Variants in KALRN observed in about 807,000 individuals in gnomAD.
KALRN encodes kalirin.
KALRN carries 70 observed loss-of-function variants against 353.7 expected under a neutral mutation model. The ratio of observed to expected loss-of-function variants is 0.20; its 90% CI spans 0.16 to 0.24. The LOEUF (loss-of-function observed/expected upper bound fraction) is 0.24. Ranked by LOEUF, KALRN falls within the 10% of genes least tolerant of loss-of-function variation. The probability of loss-of-function intolerance (pLI) is 1.00; values close to 1 mark genes in which losing one functional copy is unlikely to be tolerated. For missense variants in KALRN, 2,791 were observed against 3,756.7 expected, an observed-to-expected ratio of 0.74 and a Z score of 6.72; for synonymous variants, 1,391 against 1,434.8, an observed-to-expected ratio of 0.97 and a Z score of 0.69.
At chr3:124,376,086 T>G (rs1374730990) in intron 10 of KALRN, among the ~76,000 whole-genome samples, 1 of 152,176 alleles carries the variant, frequency 6.6e-6, no homozygotes, top group South Asian at 2.1e-4. Flanking sequence ...AGTAGAGATG[T>G]GTGAGAATGG....
intron 37 of KALRN, among the ~76,000 whole-genome samples, chr3:124,640,727 G>T (rs1425416199): frequency 6.6e-6 from 1 of 152,196 alleles, no homozygotes; most frequent in Non-Finnish European, 1.5e-5. Context: ...ATGGGGAGAA[G>T]TTAGGAGAAG....
chr3:124,308,874 G>T (rs183274937), intron 6 of KALRN, among the ~76,000 whole-genome samples: 1 of 151,814 alleles, frequency 6.6e-6, no homozygotes, highest in Non-Finnish European at 1.5e-5. Context: ...GAAACCAAAA[G>T]CTGGTTTATT....
At chr3:124,494,461 G>A (rs1400888164) in intron 32 of KALRN, among the ~76,000 whole-genome samples, 1 of 152,230 alleles carries the variant, frequency 6.6e-6, no homozygotes, top group African/African-American at 2.4e-5. Context: ...TCTACACATG[G>A]TGGGGAGCGC....
chr3:124,250,670 A>T (rs4677921), intron 3 of KALRN, among the ~76,000 whole-genome samples: 10,594 of 152,104 alleles, frequency 0.07, 401 homozygotes, highest in Middle Eastern at 0.095. Flanking sequence ...GACTAAGGGG[A>T]GTGGGGAGCG....
chr3:124,395,695 A>G (rs1242461603), intron 12 of KALRN: 1 of 259,578 alleles, frequency 3.9e-6, no homozygotes, highest in African/African-American at 2.3e-5. Context: ...ATTATGGAAC[A>G]TAGTGTTATT....
At chr3:124,414,345 C>A (rs2092376482) in intron 14 of KALRN, among the ~76,000 whole-genome samples, 1 of 152,156 alleles carries the variant, frequency 6.6e-6, no homozygotes, top group Admixed American at 6.5e-5. Context: ...GCTCCCGATC[C>A]CTGCTGCCAG....
At chr3:124,424,014 C>T (rs1413889405) in intron 15 of KALRN, among the ~76,000 whole-genome samples, 1 of 152,136 alleles carries the variant, frequency 6.6e-6, no homozygotes, top group Non-Finnish European at 1.5e-5. Context: ...GGGCCTGTTA[C>T]ACACATCTTC....
chr3:124,366,664 T>C (rs536138436), intron 10 of KALRN, among the ~76,000 whole-genome samples: 1 of 152,044 alleles, frequency 6.6e-6, no homozygotes, highest in East Asian at 1.9e-4. Flanking sequence ...TTTCCCCCCT[T>C]TCTATTCCAC....
At chr3:124,228,154 G>C (rs1202061457) in intron 2 of KALRN, 90 bp downstream of exon 2, 2 of 1,049,820 alleles carry the variant, frequency 1.9e-6, no homozygotes, top group African/African-American at 3.1e-5. Context: ...GTTAGTAGGG[G>C]AGAAGTAGGG....
intron 5 of KALRN, among the ~76,000 whole-genome samples, chr3:124,293,159 G>A (rs969402867): frequency 5.9e-5 from 9 of 152,236 alleles, no homozygotes; most frequent in Admixed American, 2.0e-4. Context: ...ACAGGGTATA[G>A]TGAACATGAT....
intron 1 of KALRN, among the ~76,000 whole-genome samples, chr3:124,222,203 T>C (rs1210329285): frequency 6.6e-6 from 1 of 152,202 alleles, no homozygotes; most frequent in Non-Finnish European, 1.5e-5. Context: ...AGGAATGGTT[T>C]AAGCTACCAA....
chr3:124,414,565 A>G (rs1228077713), intron 14 of KALRN, among the ~76,000 whole-genome samples: 2 of 152,226 alleles, frequency 1.3e-5, no homozygotes, highest in Non-Finnish European at 2.9e-5. Flanking sequence ...CTCAAGATTT[A>G]TTCAAAATTT....
chr3:124,496,026 T>TAC (rs2063804833), intron 32 of KALRN, among the ~76,000 whole-genome samples: 1 of 113,954 alleles, frequency 8.8e-6, no homozygotes, highest in Non-Finnish European at 1.8e-5. Context: ...CACACATATA[T>TAC]ACATACATAC....
intron 14 of KALRN, among the ~76,000 whole-genome samples, chr3:124,421,282 T>G (rs6787049): frequency 0.53 from 81,124 of 152,008 alleles, 22,733 homozygotes; most frequent in East Asian, 0.73. Flanking sequence ...AAACAACATG[T>G]GTCACAACTT....
intron 55 of KALRN, among the ~76,000 whole-genome samples, chr3:124,698,262 C>G (rs1223123745): frequency 1.3e-5 from 2 of 152,244 alleles, no homozygotes; most frequent in African/African-American, 4.8e-5. Flanking sequence ...AGGCGTAAGC[C>G]ACCGCGCCCG....
At chr3:124,058,284 T>C (rs2041725958) in intron 1 of KALRN, among the ~76,000 whole-genome samples, 1 of 152,164 alleles carries the variant, frequency 6.6e-6, no homozygotes, top group African/African-American at 2.4e-5. Flanking sequence ...TGATGGTCTT[T>C]AGATGTGTAA....
At chr3:124,665,076 A>G (rs1449056884) in intron 45 of KALRN, among the ~76,000 whole-genome samples, 1 of 152,114 alleles carries the variant, frequency 6.6e-6, no homozygotes, top group Non-Finnish European at 1.5e-5. Flanking sequence ...GAGGGCAGGC[A>G]CTTCTCAGGA....
intron 1 of KALRN, chr3:124,095,024 G>A (rs2061350354): frequency 2.1e-6 from 2 of 967,118 alleles, no homozygotes; most frequent in Non-Finnish European, 1.6e-6. Context: ...AGAGAGAGAA[G>A]GAATGAAACA....
chr3:124,649,982 A>C (rs1197332998), intron 37 of KALRN, among the ~76,000 whole-genome samples: 1 of 126,824 alleles, frequency 7.9e-6, no homozygotes, highest in Non-Finnish European at 1.9e-5. Context: ...AATAATAATA[A>C]TAATAATAAT....
Sources: allele counts gnomAD v4.1 joint callset (sites outside exome capture counted in the v4.1 genomes callset), GRCh38; gene constraint gnomAD v4.1.1; transcripts MANE v1.5; gene names NCBI Gene and HGNC (gene_info 2026-07-23, HGNC 2026-07-21).